The following LRBA variants were observed in gnomAD, a reference collection of about 807,000 sequenced individuals.
LRBA encodes LPS responsive beige-like anchor protein, also known as lipopolysaccharide-responsive and beige-like anchor protein.
In LRBA, 176 loss-of-function variants were observed where a neutral mutation model predicts 330.0. The ratio of observed to expected loss-of-function variants is 0.53; its 90% CI spans 0.47 to 0.60. The LOEUF (loss-of-function observed/expected upper bound fraction) is 0.60, where lower values mean the gene tolerates loss of function less well. LRBA is among the 20% of genes least tolerant of loss of function. The pLI is 0.00. For synonymous variants in LRBA, 1,230 were observed against 1,193.0 expected, an observed-to-expected ratio of 1.03 and a Z score of -0.64; for missense variants, 3,259 against 3,444.8, an observed-to-expected ratio of 0.95 and a Z score of 1.35.
Position 150,900,041 on chromosome 4 carries a change from TTATA to T in LRBA, c.1924+4_1924+7del, listed in dbSNP as rs1355259232. On this transcript the variant is annotated splice_donor_5th_base_variant and intron_variant, in intron 14 of 56. Transcript: ENST00000651943. ...GTGTAAAGTAATATACAGACAGAAA[TTATA>T]TACCTAATCCTTTTGGGGTGATACC... The T allele has an allele frequency of 7.5e-6, 12 of 1,600,192 alleles. No individual in the cohort carries two copies. The highest frequency in any genetic ancestry group is 1.7e-5 in the Admixed American group (1 of 58,582).
intron 42 of LRBA, among the ~76,000 whole-genome samples, chr4:150,474,045 T>C (rs544331800): frequency 1.1e-4 from 17 of 152,300 alleles, no homozygotes; most frequent in African/African-American, 3.8e-4. Flanking sequence ...TGAGAACTGT[T>C]TGCCTTTCCC....
At chr4:150,788,128 A>T (rs920569435) in intron 34 of LRBA, among the ~76,000 whole-genome samples, 6 of 151,978 alleles carry the variant, frequency 3.9e-5, no homozygotes, top group Non-Finnish European at 1.5e-5. Context: ...GCTGGAGCTC[A>T]GTGGCATGGT....
At chr4:150,689,539 C>G (rs936049040) in intron 36 of LRBA, among the ~76,000 whole-genome samples, 33 of 151,674 alleles carry the variant, frequency 2.2e-4, no homozygotes, top group Admixed American at 1.6e-3. Flanking sequence ...TAGATATATT[C>G]TCTATTAAAG....
chr4:150,969,908 AAAG>A (rs1739332422), intron 2 of LRBA, among the ~76,000 whole-genome samples: 1 of 152,240 alleles, frequency 6.6e-6, no homozygotes, highest in African/African-American at 2.4e-5. Flanking sequence ...TCCAATTCTG[AAAG>A]AAGTTCTACT....
chr4:150,559,685 T>C (rs1292830283), intron 40 of LRBA, among the ~76,000 whole-genome samples: 1 of 63,750 alleles, frequency 1.6e-5, no homozygotes, highest in African/African-American at 6.4e-5. Context: ...TATAATATAT[T>C]ATATTATATA....
At position 150,310,345 on chromosome 4, in the gene LRBA, A is replaced by G; in HGVS notation, c.7733T>C (p.Leu2578Pro). 1 of 1,613,452 alleles carries G rather than the reference A, an allele frequency of 6.2e-7. No individual in the cohort carries two copies. Among genetic ancestry groups the G allele is most frequent in the Non-Finnish European group, 8.5e-7 (1 of 1,179,542 alleles). The change falls in exon 52 of 57, where the codon CTT (leucine) becomes CCT (proline). Residue 2578 changes from leucine (L) to proline (P), a missense_variant. Physicochemically the swap from Leu to Pro is moderately conservative, Grantham distance 98. Transcript: ENST00000651943. The stretch of plus-strand genomic sequence containing the variant: ...ATGCACTTGAATACTTTGGTCTAAA[A>G]GGTCAGTGATTTGCCTCCTGTGCAT... ...TGMHRRQITD[L>P]LDQSIQVHSQ... is the part of the protein sequence containing the mutation.
At chr4:150,973,509 C>G (rs1739814418) in intron 2 of LRBA, among the ~76,000 whole-genome samples, 1 of 152,118 alleles carries the variant, frequency 6.6e-6, no homozygotes, top group Non-Finnish European at 1.5e-5. Context: ...GTCTAGTTAT[C>G]AAGTCCAATC....
At chr4:150,293,747 ATGGGTCTACTCATTTGTGGATTTTCTTC>A (rs1487003152) in intron 53 of LRBA, among the ~76,000 whole-genome samples, 1 of 152,220 alleles carries the variant, frequency 6.6e-6, no homozygotes, top group Non-Finnish European at 1.5e-5. Flanking sequence ...TTTGAACTGT[ATGGGTCTACTCATTTGTGGATTTTCTTC>A]TGCCTCTGCC....
At chr4:150,933,365 CAAA>C (rs60766197) in intron 2 of LRBA, among the ~76,000 whole-genome samples, 4 of 79,004 alleles carry the variant, frequency 5.1e-5, no homozygotes, top group Admixed American at 3.0e-4. Flanking sequence ...GACTCTGTCT[CAAA>C]AAAAAAAAAA....
chr4:150,570,518 T>A (rs190084726), intron 40 of LRBA, among the ~76,000 whole-genome samples: 1 of 152,230 alleles, frequency 6.6e-6, no homozygotes, highest in African/African-American at 2.4e-5. Flanking sequence ...TCTTACACTT[T>A]AGGGGAAAGC....
At chr4:150,903,275 C>T (rs537823480) in intron 13 of LRBA, among the ~76,000 whole-genome samples, 54 of 152,104 alleles carry the variant, frequency 3.6e-4, no homozygotes, top group Non-Finnish European at 6.6e-4. Context: ...GTATCAGCTA[C>T]TCAGGAGGCT....
intron 40 of LRBA, among the ~76,000 whole-genome samples, chr4:150,504,257 C>A (rs1485116493): frequency 6.6e-6 from 1 of 152,134 alleles, no homozygotes; most frequent in Non-Finnish European, 1.5e-5. Context: ...CAAAGATACT[C>A]CTCGAGAAGA....
intron 37 of LRBA, among the ~76,000 whole-genome samples, chr4:150,601,051 T>C (rs1341491399): frequency 6.6e-6 from 1 of 152,216 alleles, no homozygotes; most frequent in African/African-American, 2.4e-5. Flanking sequence ...TTCCCTAGAC[T>C]GAGATCTCCT....
At chr4:150,908,134 TAC>T (rs1731552873) in intron 11 of LRBA, among the ~76,000 whole-genome samples, 198 bp downstream of exon 11, 2 of 152,194 alleles carry the variant, frequency 1.3e-5, no homozygotes, top group South Asian at 4.1e-4. Context: ...TTGTGTTTCT[TAC>T]AGCTTCCATA....
intron 2 of LRBA, 64 bp from the exon 3 acceptor site, chr4:150,929,129 T>TC: frequency 1.0e-6 from 1 of 973,990 alleles, no homozygotes. Flanking sequence ...TATAGCATGT[T>TC]CCTAAACATT....
chr4:150,564,754 T>C (rs939625797), intron 40 of LRBA, among the ~76,000 whole-genome samples: 4 of 152,198 alleles, frequency 2.6e-5, no homozygotes, highest in Non-Finnish European at 5.9e-5. Flanking sequence ...AAAGAAGATA[T>C]GTATGTGGCT....
chr4:150,513,422 A>G (rs1278196800), intron 40 of LRBA, among the ~76,000 whole-genome samples: 1 of 152,208 alleles, frequency 6.6e-6, no homozygotes, highest in Non-Finnish European at 1.5e-5. Context: ...GGTTCTCTAC[A>G]GTTGAGGTTG....
At chr4:150,622,688 CTTTTTTTTTTTTTT>C (rs10528461) in intron 37 of LRBA, among the ~76,000 whole-genome samples, 2 of 105,654 alleles carry the variant, frequency 1.9e-5, no homozygotes, top group African/African-American at 8.3e-5. Flanking sequence ...CTAAATCAAT[CTTTTTTTTTTTTTT>C]TTTTTTTTTT....
Position 150,583,133 on chromosome 4 carries a change from G to C in LRBA, c.6330+4915C>G. Reference sequence around the variant, plus strand: ...ATCGCCAAAACCATCCGAGAGGTCTGTAAGGTGGTCTCGGACGTGCTCAAG... The same window carrying C: ...ATCGCCAAAACCATCCGAGAGGTCTCTAAGGTGGTCTCGGACGTGCTCAAG... On this transcript the variant is annotated intron_variant, in intron 40 of 56. Coordinates refer to ENST00000651943, the MANE Select transcript of LRBA (RefSeq NM_001364905.1). This position sits in a 1 kb window ranked among gnomAD's most constrained non-coding sequence, Gnocchi z 9.8. 1 of 1,614,232 alleles carries C rather than the reference G, an allele frequency of 6.2e-7. No homozygotes were observed. The highest frequency in any genetic ancestry group is 8.5e-7 in the Non-Finnish European group (1 of 1,180,028).
Sources: allele counts gnomAD v4.1 joint callset (sites outside exome capture counted in the v4.1 genomes callset), GRCh38; gene constraint gnomAD v4.1.1; non-coding constraint Gnocchi (gnomAD v3.1); transcripts MANE v1.5; gene names NCBI Gene and HGNC (gene_info 2026-07-23, HGNC 2026-07-21).